The following ZNF626 variants were observed in gnomAD, a reference collection of about 807,000 sequenced individuals.
ZNF626 encodes CTC-513N18.7.
Under a neutral mutation model 11.7 loss-of-function variants are expected in ZNF626, and 4 were observed. The ratio of observed to expected loss-of-function variants is 0.34; its 90% CI spans 0.17 to 0.78. The LOEUF (loss-of-function observed/expected upper bound fraction) is 0.78. Among genes scored for constraint, ZNF626 ranks in the 30% least tolerant of loss-of-function variants. The pLI, the probability that ZNF626 is intolerant of heterozygous loss-of-function variation, is 0.57. For missense variants in ZNF626, 588 were observed against 587.1 expected (o/e 1.00, Z -0.01); for synonymous variants, 179 against 198.6 (o/e 0.90, Z 0.83).
chr19:20,628,810 G>A (rs1365178570), intron 3 of ZNF626, among the ~76,000 whole-genome samples: 2 of 152,082 alleles, frequency 1.3e-5, no homozygotes, highest in African/African-American at 4.8e-5. Context: ...GTCAATTTTG[G>A]CTTTCGTTGC....
intron 3 of ZNF626, among the ~76,000 whole-genome samples, chr19:20,635,703 T>C (rs1404780078): frequency 1.3e-5 from 2 of 152,200 alleles, no homozygotes; most frequent in Non-Finnish European, 2.9e-5. Flanking sequence ...CTAAAAGAGA[T>C]ACAGAGTAAT....
intron 3 of ZNF626, among the ~76,000 whole-genome samples, chr19:20,637,226 T>A (rs539947091): frequency 6.6e-6 from 1 of 152,226 alleles, no homozygotes; most frequent in East Asian, 1.9e-4. Flanking sequence ...CAGTGGCTCA[T>A]GCCTGTAAGC....
intron 3 of ZNF626, among the ~76,000 whole-genome samples, chr19:20,626,651 AG>A: frequency 6.6e-6 from 1 of 152,200 alleles, no homozygotes; most frequent in East Asian, 1.9e-4. Flanking sequence ...TGAACCTGGG[AG>A]GGGACAGTTG....
intron 1 of ZNF626, among the ~76,000 whole-genome samples, chr19:20,646,764 G>A (rs905786354): frequency 2.0e-5 from 3 of 152,144 alleles, no homozygotes; most frequent in Non-Finnish European, 4.4e-5. Context: ...CATCTCTAAA[G>A]TTTTAATATG....
At position 20,621,091 on chromosome 19, in the gene ZNF626, C is replaced by T. The variant is rs765653774; in HGVS notation, c.*3199G>A. 3.3e-5 allele frequency: 5 copies of T among 150,292 alleles called. No homozygotes were observed. Among genetic ancestry groups the T allele is most frequent in the Non-Finnish European group, 5.9e-5 (4 of 67,964 alleles). 9.3% of individuals were successfully genotyped at this position (150,292 alleles called of 1,614,324 possible). On this transcript the variant is annotated 3_prime_UTR_variant, in exon 4 of 4. Coordinates refer to ENST00000601440, the MANE Select transcript of ZNF626 (RefSeq NM_001076675.3). ...CTCATGATCCACCTGCCTGGGCCTC[C>T]CAAAGTGCTGGGATTACAGGTGTAA...
At chr19:20,657,745 C>A (rs1049840244) in intron 1 of ZNF626, among the ~76,000 whole-genome samples, 2 of 151,298 alleles carry the variant, frequency 1.3e-5, no homozygotes, top group Non-Finnish European at 2.9e-5. Context: ...GCGAAGGTTG[C>A]GGTGAGCCGA....
chr19:20,627,431 T>C (rs1003068265), intron 3 of ZNF626, among the ~76,000 whole-genome samples: 3 of 151,756 alleles, frequency 2.0e-5, no homozygotes, highest in African/African-American at 7.3e-5. Context: ...ACTAAGAAAA[T>C]ATTTGTATGG....
rs571244650 is a variant in ZNF626 at position 20,638,897 on chromosome 19, T to C, written c.226+6787A>G. Among the ~76,000 whole-genome samples, 16 of 152,120 alleles carry C rather than the reference T, an allele frequency of 1.1e-4. No homozygotes were observed. The East Asian group carries it at 2.9e-3, about 28-fold the overall frequency. On this transcript the variant is annotated intron_variant, in intron 3 of 3. Coordinates refer to ENST00000601440, the MANE Select transcript of ZNF626 (RefSeq NM_001076675.3). ...AGAAAAAAAATAAGAAACAGGAAAC[T>C]TAGAAAACATTATAGACTATGTTAT...
At chr19:20,655,506 G>A (rs1177545293) in intron 1 of ZNF626, among the ~76,000 whole-genome samples, 1 of 152,118 alleles carries the variant, frequency 6.6e-6, no homozygotes, top group Non-Finnish European at 1.5e-5. Context: ...TACATCTTAA[G>A]TACTTATAAT....
chr19:20,628,589 G>C (rs1969866885), intron 3 of ZNF626, among the ~76,000 whole-genome samples: 1 of 152,144 alleles, frequency 6.6e-6, no homozygotes, highest in Non-Finnish European at 1.5e-5. Flanking sequence ...CTTTTGAGAA[G>C]TGTCTGTTCA....
chr19:20,625,848 AT>A (rs1425087714), intron 3 of ZNF626, among the ~76,000 whole-genome samples, 198 bp from the exon 4 acceptor site: 5 of 151,550 alleles, frequency 3.3e-5, no homozygotes, highest in Non-Finnish European at 4.4e-5. Flanking sequence ...AAAACTTATA[AT>A]AAGTTGTGAA....
At chr19:20,649,076 C>T (rs1970117563) in intron 1 of ZNF626, among the ~76,000 whole-genome samples, 1 of 152,168 alleles carries the variant, frequency 6.6e-6, no homozygotes, top group South Asian at 2.1e-4. Context: ...GTCGACATAG[C>T]TCTTCATCTG....
At chr19:20,653,117 T>C (rs1243694442) in intron 1 of ZNF626, among the ~76,000 whole-genome samples, 1 of 152,194 alleles carries the variant, frequency 6.6e-6, no homozygotes, top group Non-Finnish European at 1.5e-5. Context: ...CATGCACTTT[T>C]CTGCACAAGT....
intron 1 of ZNF626, among the ~76,000 whole-genome samples, chr19:20,660,078 A>G (rs373098561): frequency 5.3e-5 from 8 of 152,004 alleles, no homozygotes; most frequent in Admixed American, 5.2e-4. Context: ...CCTGACAAAC[A>G]TGGAGAAAAC....
At chr19:20,645,633 T>C in intron 3 of ZNF626, 51 bp downstream of exon 3, 3 of 1,585,920 alleles carry the variant, frequency 1.9e-6, no homozygotes, top group East Asian at 4.5e-5. Context: ...TCTTTGACCT[T>C]GGGACCCCTT....
chr19:20,638,993 T>A (rs904008723), intron 3 of ZNF626, among the ~76,000 whole-genome samples: 4 of 152,180 alleles, frequency 2.6e-5, no homozygotes, highest in Admixed American at 1.3e-4. Context: ...TGGCTCACAG[T>A]TTGGCAGACT....
Position 20,645,483 on chromosome 19 carries a change from A to G in ZNF626, c.226+201T>C, listed in dbSNP as rs781862198. 3.8e-6 allele frequency: 6 copies of G among 1,599,294 alleles called. No individual in the cohort carries two copies. The South Asian group carries it at 4.6e-5, about 12-fold the overall frequency. On this transcript the variant is annotated intron_variant, in intron 3 of 3. Transcript: ENST00000601440. ...AAGGAAAATCCTTAGAGAATTTAAA[A>G]GCATAAGACAGAAGATGCCCCTTTG...
chr19:20,626,433 T>C (rs952779046), intron 3 of ZNF626, among the ~76,000 whole-genome samples: 2 of 152,180 alleles, frequency 1.3e-5, no homozygotes, highest in African/African-American at 4.8e-5. Context: ...CAATAAGTTG[T>C]ACAGGTCAAG....
At chr19:20,636,734 T>C (rs1381469643) in intron 3 of ZNF626, among the ~76,000 whole-genome samples, 1 of 152,146 alleles carries the variant, frequency 6.6e-6, no homozygotes, top group African/African-American at 2.4e-5. Context: ...AGATATAATA[T>C]ACAGGGTTGT....
Sources: gnomAD v4.1 joint callset for allele counts (sites outside exome capture counted in the v4.1 genomes callset) on GRCh38, gnomAD v4.1.1 for gene constraint, MANE v1.5 for transcripts, NCBI Gene and HGNC (gene_info 2026-07-23, HGNC 2026-07-21) for gene names.